FAM81A: variants seen among roughly 807,000 people sequenced by gnomAD.
The protein encoded by FAM81A is family with sequence similarity 81 member A.
A neutral mutation model predicts 46.7 loss-of-function variants in FAM81A; 19 were observed. The observed-to-expected ratio is 0.41, with a 90% CI of 0.28 to 0.60. FAM81A has a LOEUF of 0.60. Among genes scored for constraint, FAM81A ranks in the 20% least tolerant of loss-of-function variants. The pLI is 0.34. For missense variants in FAM81A, 377 were observed against 453.5 expected (o/e 0.83, Z 1.53); for synonymous variants, 183 against 152.9 (o/e 1.20, Z -1.45).
chr15:59,438,051 G>A (rs1289108830), upstream of FAM81A: 1 of 149,716 alleles, frequency 6.7e-6, no homozygotes, highest in Non-Finnish European at 1.5e-5. Context: ...CCGCGTCCAG[G>A]CAACGCGCCC....
intron 7 of FAM81A, among the ~76,000 whole-genome samples, chr15:59,514,661 G>A (rs1161931478): frequency 6.6e-6 from 1 of 152,196 alleles, no homozygotes; most frequent in African/African-American, 2.4e-5. Flanking sequence ...CAGTTAAGAT[G>A]AAGTTAAGCT....
chr15:59,413,034 A>T (rs1225512407), intron 2 of FAM81A, among the ~76,000 whole-genome samples: 1 of 152,182 alleles, frequency 6.6e-6, no homozygotes, highest in East Asian at 1.9e-4. Flanking sequence ...GAGAAACCAG[A>T]ATTTCACAGT....
intron 2 of FAM81A, among the ~76,000 whole-genome samples, chr15:59,418,398 T>C (rs1410824322): frequency 6.6e-6 from 1 of 152,244 alleles, no homozygotes; most frequent in African/African-American, 2.4e-5. Flanking sequence ...TGCCTTTTCC[T>C]GTTTAGAAAA....
chr15:59,430,888 A>C (rs2081216958), intron 2 of FAM81A, among the ~76,000 whole-genome samples: 1 of 152,248 alleles, frequency 6.6e-6, no homozygotes, highest in African/African-American at 2.4e-5. Flanking sequence ...ATTAATTAAC[A>C]AACTCTGTCT....
At chr15:59,454,590 A>G (rs1387154352) in intron 1 of FAM81A, among the ~76,000 whole-genome samples, 2 of 151,886 alleles carry the variant, frequency 1.3e-5, no homozygotes, top group Non-Finnish European at 2.9e-5. Flanking sequence ...TCTGAATTCT[A>G]TTTATATATT....
At chr15:59,458,109 T>C (rs922260004) in intron 1 of FAM81A, among the ~76,000 whole-genome samples, 4 of 152,240 alleles carry the variant, frequency 2.6e-5, no homozygotes. Context: ...ATAAGTGCTC[T>C]TCATTTACCA....
chr15:59,483,611 T>C (rs2081881577), intron 3 of FAM81A, among the ~76,000 whole-genome samples: 1 of 152,138 alleles, frequency 6.6e-6, no homozygotes, highest in Non-Finnish European at 1.5e-5. Flanking sequence ...TGTCAGTACA[T>C]CAGAAACCAT....
At chr15:59,507,144 G>T (rs2082157680) in intron 4 of FAM81A, 69 bp from the exon 5 acceptor site, 11 of 1,539,996 alleles carry the variant, frequency 7.1e-6, no homozygotes, top group Admixed American at 4.0e-5. Flanking sequence ...ATTTCAGAGT[G>T]TATAAGGAAG....
intron 3 of FAM81A, among the ~76,000 whole-genome samples, chr15:59,461,842 T>C (rs1385590120): frequency 1.3e-5 from 2 of 152,216 alleles, no homozygotes; most frequent in African/African-American, 2.4e-5. Context: ...AATATGTCTT[T>C]ATTTCTCTTG....
At chr15:59,479,052 A>G (rs902466235) in intron 3 of FAM81A, among the ~76,000 whole-genome samples, 3 of 152,228 alleles carry the variant, frequency 2.0e-5, no homozygotes, top group African/African-American at 7.2e-5. Context: ...TGTTAGAGGC[A>G]CTGGAGCTGC....
intron 1 of FAM81A, among the ~76,000 whole-genome samples, chr15:59,442,542 A>C (rs1175371921): frequency 6.7e-6 from 1 of 149,560 alleles, no homozygotes; most frequent in East Asian, 2.0e-4. Context: ...GCTTGAACCC[A>C]GAAGGTGGAG....
At chr15:59,517,660 T>C (rs1437206650) in intron 8 of FAM81A, among the ~76,000 whole-genome samples, 1 of 152,236 alleles carries the variant, frequency 6.6e-6, no homozygotes, top group Non-Finnish European at 1.5e-5. Context: ...AAGTGCTAGT[T>C]ATCCCTAGAA....
rs578095929 is a variant in FAM81A at position 59,415,117 on chromosome 15, G to GT, written c.-78+12772dup. Among the ~76,000 whole-genome samples the GT allele has an allele frequency of 4.1e-3, 545 of 133,448 alleles. 3 individuals carry two copies. In the South Asian group the frequency reaches 0.044, roughly 11 times the overall value. 87.5% of individuals were successfully genotyped at this position (133,448 alleles called of 152,430 possible). A position where few individuals can be genotyped will look rare whatever the true frequency, so the allele number is the denominator to read the frequency against. On this transcript the variant is annotated intron_variant, in intron 2 of 4. Coordinates refer to the FAM81A transcript ENST00000558348. ...AGGCGTGAGCCACCGTGCCCAGCCT[G>GT]TTTTTTTTTTTTTCTTTTCGTGATG...
chr15:59,428,888 C>T (rs749179458), intron 2 of FAM81A, among the ~76,000 whole-genome samples: 8 of 152,170 alleles, frequency 5.3e-5, no homozygotes, highest in Non-Finnish European at 2.9e-5. Flanking sequence ...GCCTCCGCCT[C>T]TGAAAGTGCT....
At chr15:59,452,237 A>G (rs1434672296) in intron 1 of FAM81A, among the ~76,000 whole-genome samples, 1 of 152,256 alleles carries the variant, frequency 6.6e-6, no homozygotes, top group Non-Finnish European at 1.5e-5. Flanking sequence ...ATAAGATACC[A>G]AAAAGCTGAA....
At chr15:59,489,121 C>T (rs549724257) in intron 3 of FAM81A, among the ~76,000 whole-genome samples, 12 of 151,888 alleles carry the variant, frequency 7.9e-5, no homozygotes, top group African/African-American at 1.2e-4. Flanking sequence ...AAAAATTAGC[C>T]GGGCATAGTG....
chr15:59,412,698 G>C (rs1263623668), intron 2 of FAM81A, among the ~76,000 whole-genome samples: 2 of 142,288 alleles, frequency 1.4e-5, no homozygotes, highest in Non-Finnish European at 3.0e-5. Flanking sequence ...TTGCACTCCA[G>C]CCTGGGTGAC....
chr15:59,426,245 G>A (rs2081193905), intron 2 of FAM81A, among the ~76,000 whole-genome samples: 1 of 151,840 alleles, frequency 6.6e-6, no homozygotes, highest in African/African-American at 2.4e-5. Context: ...ATAGGTACAA[G>A]TACTTTTAAA....
intron 4 of FAM81A, among the ~76,000 whole-genome samples, chr15:59,502,195 ATTATAC>A (rs1185914236): frequency 7.0e-6 from 1 of 142,202 alleles, no homozygotes; most frequent in Non-Finnish European, 1.6e-5. Flanking sequence ...TTTTATTATT[ATTATAC>A]TTTAAGTTTT....
Sources: gnomAD v4.1 joint callset for allele counts (sites outside exome capture counted in the v4.1 genomes callset) on GRCh38, gnomAD v4.1.1 for gene constraint, MANE v1.5 for transcripts, NCBI Gene and HGNC (gene_info 2026-07-23, HGNC 2026-07-21) for gene names.